The following DIAPH2 variants were observed in gnomAD, a reference collection of about 807,000 sequenced individuals.
DIAPH2 encodes the protein diaphanous related formin 2, also known as protein diaphanous homolog 2.
A neutral mutation model predicts 92.7 loss-of-function variants in DIAPH2; 35 were observed. The observed-to-expected ratio is 0.38, with a 90% CI of 0.29 to 0.50. The LOEUF is 0.50. Ranked by LOEUF, DIAPH2 falls within the 20% of genes least tolerant of loss-of-function variation. The probability of loss-of-function intolerance (pLI) is 0.94; values close to 1 mark genes in which losing one functional copy is unlikely to be tolerated. For missense variants in DIAPH2, 701 were observed against 819.5 expected (o/e 0.86, Z 1.77); for synonymous variants, 301 against 280.4 (o/e 1.07, Z -0.73).
chrX:97,000,405 CT>C (rs2066135462), intron 17 of DIAPH2, among the ~76,000 whole-genome samples: 1 of 112,144 alleles, frequency 8.9e-6, no homozygotes, highest in African/African-American at 3.2e-5. Flanking sequence ...AATCCCGCAG[CT>C]TTTAGCTAAA....
At chrX:96,966,988 CATTTTCTTATATTCACAGGCA>C (rs1321132151) in intron 17 of DIAPH2, among the ~76,000 whole-genome samples, 4 of 111,751 alleles carry the variant, frequency 3.6e-5, no homozygotes, top group African/African-American at 9.7e-5. Flanking sequence ...AGATTGAGCA[CATTTTCTTATATTCACAGGCA>C]ATTTTATTTT....
At chrX:97,180,306 T>G (rs751542357) in intron 22 of DIAPH2, among the ~76,000 whole-genome samples, 1 of 112,460 alleles carries the variant, frequency 8.9e-6, no homozygotes, top group South Asian at 3.7e-4. Flanking sequence ...TGTCTTCTAT[T>G]AAGAACTGTC....
At chrX:97,321,036 A>G (rs1266099683) in intron 23 of DIAPH2, among the ~76,000 whole-genome samples, 1 of 111,904 alleles carries the variant, frequency 8.9e-6, no homozygotes, top group African/African-American at 3.2e-5. Context: ...TTATAAGATT[A>G]CTGATAGGAG....
At chrX:96,888,497 C>CTCTATGTACACACAGATACATATA in intron 5 of DIAPH2, among the ~76,000 whole-genome samples, 2 of 102,477 alleles carry the variant, frequency 2.0e-5, no homozygotes, top group Non-Finnish European at 3.9e-5. Flanking sequence ...AGATATATAT[C>CTCTATGTACACACAGATACATATA]TCTATATATG....
At chrX:96,769,829 A>G (rs1262446989) in intron 4 of DIAPH2, among the ~76,000 whole-genome samples, 2 of 112,071 alleles carry the variant, frequency 1.8e-5, no homozygotes, top group Non-Finnish European at 3.8e-5. Context: ...AATAGAGCCA[A>G]ATGAACTCCC....
chrX:97,078,530 A>C (rs890848816), intron 19 of DIAPH2, among the ~76,000 whole-genome samples: 2 of 111,804 alleles, frequency 1.8e-5, no homozygotes, highest in Non-Finnish European at 3.8e-5. Flanking sequence ...AAATATTTTC[A>C]TATCACATTA....
intron 23 of DIAPH2, among the ~76,000 whole-genome samples, chrX:97,318,876 A>G (rs2068865936): frequency 9.0e-6 from 1 of 111,548 alleles, no homozygotes; most frequent in Non-Finnish European, 1.9e-5. Context: ...TAGCGACATT[A>G]AACTTAGGTA....
chrX:96,712,669 G>A (rs1212100291), intron 1 of DIAPH2, among the ~76,000 whole-genome samples: 2 of 111,213 alleles, frequency 1.8e-5, no homozygotes, highest in Non-Finnish European at 3.8e-5. Flanking sequence ...ATACAGTTAT[G>A]ATTTTTAGTT....
intron 4 of DIAPH2, chrX:96,793,647 G>A (rs772197862): frequency 8.0e-6 from 3 of 373,686 alleles, no homozygotes; most frequent in Admixed American, 2.5e-5. Context: ...GGAAGCTTTG[G>A]TGTTTCTTCC....
At chrX:97,210,347 C>T (rs770356183) in intron 22 of DIAPH2, among the ~76,000 whole-genome samples, 2 of 111,884 alleles carry the variant, frequency 1.8e-5, no homozygotes, top group East Asian at 5.6e-4. Flanking sequence ...ATCTATTTAT[C>T]AGGAAATCAC....
chrX:96,791,459 A>G (rs1272141888), intron 4 of DIAPH2, among the ~76,000 whole-genome samples: 2 of 109,495 alleles, frequency 1.8e-5, no homozygotes, highest in African/African-American at 6.6e-5. Context: ...GATTGCTTGA[A>G]CCCAGGAATT....
At chrX:96,747,339 A>C (rs2064156900) in intron 3 of DIAPH2, among the ~76,000 whole-genome samples, 1 of 112,130 alleles carries the variant, frequency 8.9e-6, no homozygotes, top group African/African-American at 3.2e-5. Flanking sequence ...ATAGGTAATT[A>C]AATAGTTTGT....
intron 23 of DIAPH2, among the ~76,000 whole-genome samples, chrX:97,274,915 C>T (rs2068425990): frequency 9.0e-6 from 1 of 110,945 alleles, no homozygotes; most frequent in Admixed American, 9.6e-5. Flanking sequence ...TCCAATTAAC[C>T]CTGAGTGGAC....
intron 26 of DIAPH2, among the ~76,000 whole-genome samples, chrX:97,471,520 G>A (rs1183924783): frequency 6.4e-5 from 7 of 108,868 alleles, no homozygotes; most frequent in Middle Eastern, 4.3e-3. Context: ...GTGAAACCCC[G>A]TCTCTACTAA....
intron 26 of DIAPH2, among the ~76,000 whole-genome samples, chrX:97,447,582 C>T (rs750736006): frequency 9.0e-6 from 1 of 111,445 alleles, no homozygotes; most frequent in East Asian, 2.8e-4. Flanking sequence ...GGAAAAGCAA[C>T]CCAAAGCAGG....
chrX:97,073,108 T>C (rs2066680574), intron 18 of DIAPH2, 66 bp downstream of exon 18: 4 of 729,914 alleles, frequency 5.5e-6, no homozygotes, highest in Non-Finnish European at 8.2e-6. Context: ...CTGTTTAATG[T>C]ATTTAATGAA....
chrX:97,070,137 G>C (rs1569293793), intron 17 of DIAPH2, among the ~76,000 whole-genome samples: 1 of 110,658 alleles, frequency 9.0e-6, no homozygotes, highest in Admixed American at 9.7e-5. Context: ...TATTCTATTA[G>C]CAGTGCCAAT....
chrX:97,426,189 GC>G (rs1333848795), intron 25 of DIAPH2, among the ~76,000 whole-genome samples: 2 of 110,652 alleles, frequency 1.8e-5, no homozygotes, highest in African/African-American at 6.6e-5. Context: ...CTGTATTAAT[GC>G]CTTCAAAATA....
In DIAPH2 at chrX:96,811,591, C is replaced by T. The variant is rs982032287; in HGVS notation, c.447+53333C>T. Among the ~76,000 whole-genome samples, 30 of 111,691 alleles carry T rather than the reference C, an allele frequency of 2.7e-4. No homozygotes were observed. In the Admixed American group the frequency reaches 2.8e-3, roughly 10 times the overall value. On this transcript the variant is annotated intron_variant, in intron 4 of 26. Coordinates refer to ENST00000324765, the MANE Select transcript of DIAPH2 (RefSeq NM_006729.5). ...GAGTGGTGAGAGAGGGCATCCCTGT[C>T]TTGTGCCAGTTTTCAAAGGGAATGC...
Sources: gnomAD v4.1 joint callset for allele counts (sites outside exome capture counted in the v4.1 genomes callset) on GRCh38, gnomAD v4.1.1 for gene constraint, MANE v1.5 for transcripts, NCBI Gene and HGNC (gene_info 2026-07-23, HGNC 2026-07-21) for gene names.